KRT73: variants seen among roughly 807,000 people sequenced by gnomAD.
The protein encoded by KRT73 is keratin, type II cytoskeletal 73.
In KRT73, 44 loss-of-function variants were observed where a neutral mutation model predicts 47.2. The ratio of observed to expected loss-of-function variants is 0.93; its 90% CI spans 0.73 to 1.20. The LOEUF is 1.20. Ranked by LOEUF, KRT73 falls within the 50% of genes most tolerant of loss-of-function variation. The probability of loss-of-function intolerance (pLI) is 0.00; values close to 1 mark genes in which losing one functional copy is unlikely to be tolerated. For missense variants in KRT73, 713 were observed against 704.5 expected (o/e 1.01, Z -0.14); for synonymous variants, 285 against 291.3 (o/e 0.98, Z 0.22).
intron 7 of KRT73, chr12:52,609,983 G>A (rs1357862561): frequency 6.5e-6 from 1 of 154,210 alleles, no homozygotes; most frequent in Non-Finnish European, 1.5e-5. Context: ...TTTTCCCAGA[G>A]ATGCTGCACC....
intron 5 of KRT73, 116 bp from the exon 6 acceptor site, chr12:52,611,445 G>A (rs537400819): frequency 1.4e-5 from 17 of 1,211,676 alleles, no homozygotes; most frequent in South Asian, 1.1e-4. Context: ...CAGGTCCCCC[G>A]CCTCACCATG....
chr12:52,618,348 G>T lies in KRT73; in HGVS notation c.177C>A (p.Phe59Leu), dbSNP rs750723512. The change falls in exon 1 of 9, where the codon TTC (phenylalanine) becomes TTA (leucine). Residue 59 changes from phenylalanine (F) to leucine (L), a missense_variant. Transcript: ENST00000305748. Reference protein sequence around the residue: ...YSLGGARSISFNVASGSGWAG... With the variant: ...YSLGGARSISLNVASGSGWAG... The stretch of plus-strand genomic sequence containing the variant: ...CCCACCCACTGCCACTGGCCACATT[G>T]AAAGAGATGCTCCGGGCACCCCCCA... The T allele has an allele frequency of 2.5e-6, 4 of 1,614,200 alleles. No individual in the cohort carries two copies. The highest frequency in any genetic ancestry group is 3.4e-6 in the Non-Finnish European group (4 of 1,180,040).
At chr12:52,618,000 A>G in intron 1 of KRT73, 78 bp downstream of exon 1, 1 of 1,461,430 alleles carries the variant, frequency 6.8e-7, no homozygotes, top group Non-Finnish European at 9.3e-7. Context: ...GGCAAATTGA[A>G]CCACAAATTA....
chr12:52,618,240 A>G lies in KRT73; in HGVS notation c.285T>C (p.Cys95=), dbSNP rs762119629. Residue 95 remains cysteine, a synonymous_variant, in exon 1 of 9, where the codon TGT becomes TGC. Transcript: ENST00000305748. ...MFGSVALGSV[C]PSLCPPGGIH... ...TACCCCCGGGCGGGCACAACGACGG[A>G]CACACGGACCCCAAGGCCACACTGC... The G allele has an allele frequency of 1.9e-6, 3 of 1,614,178 alleles. 1 individual carries two copies. Among genetic ancestry groups the G allele is most frequent in the South Asian group, 2.2e-5 (2 of 91,066 alleles).
At chr12:52,611,031 A>G (rs1025930393) in intron 6 of KRT73, 173 bp downstream of exon 6, 1 of 974,598 alleles carries the variant, frequency 1.0e-6, no homozygotes, top group African/African-American at 1.6e-5. Flanking sequence ...TATGAAAATA[A>G]TCTGCAATTG....
At position 52,607,622 on chromosome 12, in the gene KRT73, A is replaced by G. The variant is rs1940610521; in HGVS notation, c.*574T>C. 1 of 152,366 alleles carries G rather than the reference A, an allele frequency of 6.6e-6. No individual in the cohort carries two copies. The highest frequency in any genetic ancestry group is 2.1e-4 in the South Asian group (1 of 4,828). 9.4% of individuals were successfully genotyped at this position (152,366 alleles called of 1,614,324 possible). A position where few individuals can be genotyped will look rare whatever the true frequency, so the allele number is the denominator to read the frequency against. On this transcript the variant is annotated 3_prime_UTR_variant, in exon 9 of 9. Transcript: ENST00000305748. ...ACAGGAGCAGGGAGGTGAGGCCTAA[A>G]CAAGGACAAGTACCCACAGATGAAG...
the KRT73 span, among the ~76,000 whole-genome samples, chr12:52,627,489 A>G: frequency 6.6e-6 from 1 of 152,172 alleles, no homozygotes; most frequent in African/African-American, 2.4e-5. Context: ...ACTTTTGACA[A>G]GACCTGCCTT....
Position 52,614,615 on chromosome 12 carries a change from A to C in KRT73, c.783T>G (p.Asp261Glu). 1 of 1,613,928 alleles carries C rather than the reference A, an allele frequency of 6.2e-7. No individual in the cohort carries two copies. The highest frequency in any genetic ancestry group is 8.5e-7 in the Non-Finnish European group (1 of 1,179,902). Reference protein sequence around the residue: ...VELQAKVDALDGEIKFFKCLY... With the variant: ...VELQAKVDALEGEIKFFKCLY... ...GACACTTGAAGAACTTGATTTCTCC[A>C]TCCAGGGCATCCACCTTGGCCTGCA... Residue 261 changes from aspartate (D) to glutamate (E), a missense_variant, in exon 4 of 9, where the codon GAT (aspartate) becomes GAG (glutamate). By Grantham distance (45) the Asp-to-Glu change is conservative. Coordinates refer to ENST00000305748, the MANE Select transcript of KRT73 (RefSeq NM_175068.3).
chr12:52,611,442 C>G, intron 5 of KRT73, 113 bp from the exon 6 acceptor site: 1 of 1,264,358 alleles, frequency 7.9e-7, no homozygotes, highest in Admixed American at 2.1e-5. Flanking sequence ...GTCCAGGTCC[C>G]CCGCCTCACC....
intron 1 of KRT73, among the ~76,000 whole-genome samples, chr12:52,616,827 T>C (rs1940824912): frequency 6.6e-6 from 1 of 152,176 alleles, no homozygotes; most frequent in Admixed American, 6.5e-5. Context: ...GCGTGGGCTC[T>C]CCCAGCCCAG....
At chr12:52,625,521 C>G in the KRT73 span, among the ~76,000 whole-genome samples, 1 of 152,156 alleles carries the variant, frequency 6.6e-6, no homozygotes, top group Non-Finnish European at 1.5e-5. Flanking sequence ...CTAGAGCACT[C>G]ATATATTGCT....
At chr12:52,614,511 A>G (rs541124793) in intron 4 of KRT73, 68 bp downstream of exon 4, 212 of 1,382,346 alleles carry the variant, frequency 1.5e-4, no homozygotes, top group Middle Eastern at 1.3e-3. Flanking sequence ...CAGATAAGTA[A>G]GAAACTGTTC....
intron 8 of KRT73, 110 bp downstream of exon 8, chr12:52,609,137 G>T (rs1940643191): frequency 1.2e-5 from 11 of 932,216 alleles, no homozygotes; most frequent in Non-Finnish European, 2.0e-5. Flanking sequence ...TGACCAAGTG[G>T]TCAACAGGCA....
the KRT73 span, among the ~76,000 whole-genome samples, chr12:52,626,962 C>T: frequency 2.0e-5 from 3 of 152,182 alleles, no homozygotes; most frequent in East Asian, 5.8e-4. Flanking sequence ...ACCCACCTGT[C>T]CTGCCACATC....
At chr12:52,619,180 C>T (rs1940866647), upstream of KRT73, among the ~76,000 whole-genome samples, 1 of 152,264 alleles carries the variant, frequency 6.6e-6, no homozygotes, top group African/African-American at 2.4e-5. Flanking sequence ...GCTCACCTTC[C>T]TTTGCACACA....
At chr12:52,616,448 G>A in intron 1 of KRT73, 68 bp from the exon 2 acceptor site, 5 of 1,583,682 alleles carry the variant, frequency 3.2e-6, no homozygotes, top group East Asian at 2.2e-5. Context: ...TCCTGGACAG[G>A]AACTGTGTTT....
At chr12:52,613,118 A>C (rs1940736937) in intron 5 of KRT73, among the ~76,000 whole-genome samples, 1 of 151,736 alleles carries the variant, frequency 6.6e-6, no homozygotes, top group African/African-American at 2.4e-5. Context: ...CTTGAGAAAG[A>C]GCCTGATAAA....
chr12:52,625,577 A>C, the KRT73 span, among the ~76,000 whole-genome samples: 4 of 150,252 alleles, frequency 2.7e-5, no homozygotes, highest in Non-Finnish European at 4.4e-5. Flanking sequence ...ACAGTTTAGC[A>C]GTTTTTAAAG....
chr12:52,625,256 G>A, the KRT73 span, among the ~76,000 whole-genome samples: 1 of 152,082 alleles, frequency 6.6e-6, no homozygotes, highest in East Asian at 1.9e-4. Flanking sequence ...TTCAGCATAG[G>A]ACTAGGATCT....
Sources: gnomAD v4.1 joint callset for allele counts (sites outside exome capture counted in the v4.1 genomes callset) on GRCh38, gnomAD v4.1.1 for gene constraint, MANE v1.5 for transcripts, NCBI Gene and HGNC (gene_info 2026-07-23, HGNC 2026-07-21) for gene names.